The following LEKR1 variants were observed in gnomAD, a reference collection of about 807,000 sequenced individuals.
LEKR1 encodes protein LEKR1.
In LEKR1, 59 loss-of-function variants were observed where a neutral mutation model predicts 72.4. The observed-to-expected ratio is 0.82, with a 90% CI of 0.66 to 1.01. LEKR1 has a LOEUF of 1.01. Ranked by LOEUF, LEKR1 falls within the 50% of genes least tolerant of loss-of-function variation. The probability of loss-of-function intolerance (pLI) is 0.00; values close to 1 mark genes in which losing one functional copy is unlikely to be tolerated. For synonymous variants in LEKR1, 257 were observed against 263.2 expected (o/e 0.98, Z 0.23); for missense variants, 728 against 759.2 (o/e 0.96, Z 0.48).
intron 5 of LEKR1, among the ~76,000 whole-genome samples, chr3:156,940,102 C>T (rs938337999): frequency 1.3e-5 from 2 of 152,034 alleles, no homozygotes; most frequent in African/African-American, 2.4e-5. Context: ...ATATTAAAAA[C>T]GATTTAGAAG....
At chr3:156,932,737 A>G (rs139885404) in intron 5 of LEKR1, among the ~76,000 whole-genome samples, 174 of 142,728 alleles carry the variant, frequency 1.2e-3, no homozygotes, top group African/African-American at 4.3e-3. Flanking sequence ...TATCTATGTT[A>G]TTAAATGGAG....
At chr3:156,892,643 T>C (rs1384630266) in intron 3 of LEKR1, among the ~76,000 whole-genome samples, 1 of 152,252 alleles carries the variant, frequency 6.6e-6, no homozygotes, top group Non-Finnish European at 1.5e-5. Context: ...TATACCCTCC[T>C]CTGCCTCACA....
intron 2 of LEKR1, chr3:156,851,273 G>A (rs1715320717): frequency 6.6e-6 from 1 of 152,220 alleles, no homozygotes; most frequent in African/African-American, 2.4e-5. Context: ...AGACCTTCAT[G>A]TGAAAGGGGC....
At chr3:157,027,802 A>G (rs1229229979) in intron 11 of LEKR1, among the ~76,000 whole-genome samples, 2 of 152,196 alleles carry the variant, frequency 1.3e-5, no homozygotes, top group East Asian at 1.9e-4. Flanking sequence ...AGCCTTGGCA[A>G]CAGAGCAAGA....
In LEKR1 at chr3:156,920,620, T is replaced by C. The variant is rs2108572635; in HGVS notation, c.309T>C (p.Phe103=). ...GMQLKSQQNE[F]QKVKKQLSHL... is the part of the protein sequence containing the mutation. ...AGTTAAAAAGTCAACAAAATGAATT[T>C]CAGAAAGTAAAGAAACAACTGAGTC... Residue 103 remains phenylalanine, a synonymous_variant, in exon 4 of 13, where the codon TTT becomes TTC. Transcript: ENST00000356539. 6.8e-7 allele frequency: 1 copy of C among 1,469,762 alleles called. No homozygotes were observed. Among genetic ancestry groups the C allele is most frequent in the Middle Eastern group, 1.7e-4 (1 of 5,852 alleles). 91.0% of individuals were successfully genotyped at this position (1,469,762 alleles called of 1,614,324 possible).
chr3:156,939,787 T>C (rs1422412980), intron 5 of LEKR1, among the ~76,000 whole-genome samples: 3 of 152,094 alleles, frequency 2.0e-5, no homozygotes, highest in East Asian at 3.8e-4. Flanking sequence ...GGGAAAAATA[T>C]TTTTACCAAG....
intron 3 of LEKR1, among the ~76,000 whole-genome samples, chr3:156,899,785 CACATATAT>C (rs1721813363): frequency 1.0e-5 from 1 of 99,054 alleles, no homozygotes; most frequent in African/African-American, 2.9e-5. Flanking sequence ...CACATATATA[CACATATAT>C]ACATGTATAT....
intron 9 of LEKR1, among the ~76,000 whole-genome samples, chr3:157,007,874 C>A (rs1188707607): frequency 6.6e-6 from 1 of 152,144 alleles, no homozygotes; most frequent in Non-Finnish European, 1.5e-5. Flanking sequence ...GTAAAACAGT[C>A]AGGTGGAGAG....
chr3:156,910,291 C>A (rs1012953316), intron 3 of LEKR1, among the ~76,000 whole-genome samples: 3 of 152,164 alleles, frequency 2.0e-5, no homozygotes, highest in African/African-American at 7.2e-5. Context: ...TGCTCTCCTT[C>A]CCTCCTTTCT....
chr3:156,934,198 C>T (rs1725496817), intron 5 of LEKR1, among the ~76,000 whole-genome samples: 1 of 152,174 alleles, frequency 6.6e-6, no homozygotes, highest in African/African-American at 2.4e-5. Flanking sequence ...CTGCCAGTCT[C>T]CTCCTACTGG....
At chr3:156,987,611 C>A (rs540817369) in intron 7 of LEKR1, among the ~76,000 whole-genome samples, 2 of 152,080 alleles carry the variant, frequency 1.3e-5, no homozygotes, top group Non-Finnish European at 2.9e-5. Flanking sequence ...TTCTTCTAGT[C>A]CATTTTCCTT....
At chr3:156,846,361 T>G (rs1488486815) in intron 2 of LEKR1, among the ~76,000 whole-genome samples, 1 of 152,082 alleles carries the variant, frequency 6.6e-6, no homozygotes, top group African/African-American at 2.4e-5. Context: ...ATTGAATAAG[T>G]GCAGTGAGGG....
At position 157,024,788 on chromosome 3, in the gene LEKR1, C is replaced by T; in HGVS notation, c.1232C>T (p.Ala411Val). 1.9e-6 allele frequency: 3 copies of T among 1,610,528 alleles called. No individual in the cohort carries two copies. Among genetic ancestry groups the T allele is most frequent in the Non-Finnish European group, 2.5e-6 (3 of 1,179,022 alleles). Residue 411 changes from alanine to valine, a missense_variant, in exon 11 of 13, where the codon GCC (alanine) becomes GTC (valine). Coordinates refer to ENST00000356539, the MANE Select transcript of LEKR1 (RefSeq NM_001004316.3). ...KIEAELAKER[A>V]QHLVEFEEQA... ...GAAGCAGAACTTGCCAAGGAAAGGG[C>T]CCAACACTTGGTTGAATTTGAAGAG...
chr3:156,996,498 T>C (rs1731581717), intron 9 of LEKR1, among the ~76,000 whole-genome samples: 1 of 152,110 alleles, frequency 6.6e-6, no homozygotes, highest in Non-Finnish European at 1.5e-5. Context: ...TTCAGTGCAA[T>C]GAAGAGAAAC....
chr3:156,873,896 A>C (rs893189564), intron 3 of LEKR1, among the ~76,000 whole-genome samples: 1 of 152,026 alleles, frequency 6.6e-6, no homozygotes, highest in Non-Finnish European at 1.5e-5. Context: ...CCTTTAAGTG[A>C]TTAGACACTT....
At chr3:157,037,083 CA>C (rs1164735042) in intron 12 of LEKR1, among the ~76,000 whole-genome samples, 1 of 152,082 alleles carries the variant, frequency 6.6e-6, no homozygotes, top group African/African-American at 2.4e-5. Context: ...GGAGGAGGAG[CA>C]GCATCTGTTG....
intron 3 of LEKR1, among the ~76,000 whole-genome samples, chr3:156,870,593 T>G (rs1460440872): frequency 1.3e-5 from 2 of 152,122 alleles, no homozygotes; most frequent in African/African-American, 4.8e-5. Context: ...CATAGAGTCT[T>G]TAGGTTTTTC....
At chr3:156,893,661 C>T (rs778819883) in intron 3 of LEKR1, among the ~76,000 whole-genome samples, 1 of 152,160 alleles carries the variant, frequency 6.6e-6, no homozygotes, top group African/African-American at 2.4e-5. Flanking sequence ...TTTGCTTTCG[C>T]CTTGACTGTA....
intron 3 of LEKR1, among the ~76,000 whole-genome samples, chr3:156,877,691 A>G (rs996645863): frequency 1.3e-5 from 2 of 151,936 alleles, no homozygotes; most frequent in Non-Finnish European, 2.9e-5. Context: ...AATTGGGCTT[A>G]TTTGGTTCTT....
Sources: gnomAD v4.1 joint callset for allele counts (sites outside exome capture counted in the v4.1 genomes callset) on GRCh38, gnomAD v4.1.1 for gene constraint, MANE v1.5 for transcripts, NCBI Gene and HGNC (gene_info 2026-07-23, HGNC 2026-07-21) for gene names.